The following DCP1A variants were observed in gnomAD, a reference collection of about 807,000 sequenced individuals.
DCP1A encodes the protein decapping mRNA 1A, also known as mRNA-decapping enzyme 1A.
Under a neutral mutation model 58.0 loss-of-function variants are expected in DCP1A, and 20 were observed. The ratio of observed to expected loss-of-function variants is 0.34; its 90% CI spans 0.24 to 0.50. DCP1A has a LOEUF of 0.50. Ranked by LOEUF, DCP1A falls within the 20% of genes least tolerant of loss-of-function variation. DCP1A has a pLI of 0.98. For missense variants in DCP1A, 613 were observed against 712.2 expected (o/e 0.86, Z 1.59); for synonymous variants, 285 against 275.1 (o/e 1.04, Z -0.36).
At chr3:53,311,971 G>A (rs925264808) in intron 5 of DCP1A, among the ~76,000 whole-genome samples, 2 of 151,514 alleles carry the variant, frequency 1.3e-5, no homozygotes, top group South Asian at 4.2e-4. Context: ...AAAAAAGAGA[G>A]ACACAGGGTC....
chr3:53,294,632 G>A (rs1707054159), intron 6 of DCP1A, among the ~76,000 whole-genome samples: 2 of 152,234 alleles, frequency 1.3e-5, no homozygotes, highest in African/African-American at 4.8e-5. Flanking sequence ...CAGCGACACA[G>A]CTGTGATGTC....
chr3:53,306,356 A>C (rs1707471424), intron 5 of DCP1A, among the ~76,000 whole-genome samples: 1 of 152,218 alleles, frequency 6.6e-6, no homozygotes, highest in South Asian at 2.1e-4. Flanking sequence ...TTGGAACTGA[A>C]TTATATTACA....
In DCP1A at chr3:53,304,212, T is replaced by C. The variant is rs1190646494; in HGVS notation, c.589A>G (p.Thr197Ala). Residue 197 changes from threonine to alanine, a missense_variant, in exon 6 of 10, where the codon ACT becomes GCT. This residue lies in a region of DCP1A where 498 missense variants were observed against 556.7 expected (regional missense o/e 0.89). Transcript: ENST00000610213. ...GACCCGGAGGGCATTTCTTCTAGAG[T>C]CTCGGTGCTTCCCAGATTGGAGAGC... ...TQLSNLGSTE[T>A]LEEMPSGSQD... The C allele has an allele frequency of 3.7e-6, 6 of 1,613,682 alleles. No individual in the cohort carries two copies. Among genetic ancestry groups the C allele is most frequent in the Non-Finnish European group, 5.1e-6 (6 of 1,179,840 alleles).
chr3:53,308,789 C>G (rs1358056773), intron 5 of DCP1A, among the ~76,000 whole-genome samples: 3 of 151,942 alleles, frequency 2.0e-5, no homozygotes, highest in African/African-American at 4.8e-5. Context: ...TTGGTAGAGA[C>G]AAGGTCTTGC....
chr3:53,320,366 A>G (rs1217999982), intron 3 of DCP1A, among the ~76,000 whole-genome samples: 3 of 128,338 alleles, frequency 2.3e-5, no homozygotes, highest in African/African-American at 8.3e-5. Context: ...AGCTACTATA[A>G]CTGCTTTTTG....
chr3:53,301,847 C>T (rs1707321103), intron 6 of DCP1A, among the ~76,000 whole-genome samples: 1 of 152,158 alleles, frequency 6.6e-6, no homozygotes, highest in African/African-American at 2.4e-5. Flanking sequence ...TGAAGAAAGA[C>T]AATCTCAAGA....
At chr3:53,298,270 A>T (rs1340474760) in intron 6 of DCP1A, among the ~76,000 whole-genome samples, 1 of 152,178 alleles carries the variant, frequency 6.6e-6, no homozygotes, top group Non-Finnish European at 1.5e-5. Context: ...CATATGGTAG[A>T]ACCCTGACCC....
intron 4 of DCP1A, among the ~76,000 whole-genome samples, chr3:53,313,986 C>T (rs546746499): frequency 6.6e-6 from 1 of 152,238 alleles, no homozygotes; most frequent in South Asian, 2.1e-4. Flanking sequence ...CCTCCTGCCT[C>T]AGCCTCCCAA....
intron 6 of DCP1A, among the ~76,000 whole-genome samples, chr3:53,303,420 C>G (rs1482585907): frequency 1.3e-5 from 2 of 151,926 alleles, no homozygotes; most frequent in Non-Finnish European, 2.9e-5. Flanking sequence ...GCACGTGCCA[C>G]CACACCCAGC....
intron 6 of DCP1A, among the ~76,000 whole-genome samples, chr3:53,298,120 A>C (rs1236087948): frequency 6.6e-6 from 1 of 152,190 alleles, no homozygotes; most frequent in African/African-American, 2.4e-5. Context: ...TGGGAGGCTG[A>C]GGCAGGAGGA....
intron 3 of DCP1A, among the ~76,000 whole-genome samples, chr3:53,322,960 G>A (rs1708012423): frequency 6.6e-6 from 1 of 151,834 alleles, no homozygotes; most frequent in Admixed American, 6.6e-5. Flanking sequence ...GGCGCCCGGG[G>A]ATTACAGGCG....
intron 3 of DCP1A, among the ~76,000 whole-genome samples, chr3:53,319,832 T>C (rs782215011): frequency 6.6e-6 from 1 of 152,162 alleles, no homozygotes; most frequent in Non-Finnish European, 1.5e-5. Flanking sequence ...GCATTCTAAA[T>C]TGATATTAAA....
intron 5 of DCP1A, among the ~76,000 whole-genome samples, chr3:53,307,219 G>T (rs1707503103): frequency 6.6e-6 from 1 of 152,044 alleles, no homozygotes; most frequent in Admixed American, 6.5e-5. Context: ...AAAGTGTTGG[G>T]ATTACAGGCG....
At chr3:53,293,148 C>T (rs1049122814) in intron 6 of DCP1A, among the ~76,000 whole-genome samples, 1 of 152,130 alleles carries the variant, frequency 6.6e-6, no homozygotes, top group African/African-American at 2.4e-5. Flanking sequence ...AGGGAAATGA[C>T]ACTAGAGGAG....
At chr3:53,310,755 T>C (rs1218900366) in intron 5 of DCP1A, among the ~76,000 whole-genome samples, 6 of 152,196 alleles carry the variant, frequency 3.9e-5, no homozygotes, top group East Asian at 3.8e-4. Flanking sequence ...TAATTCTCTG[T>C]GAGACATTGA....
At chr3:53,330,053 A>G (rs2088957707) in intron 3 of DCP1A, among the ~76,000 whole-genome samples, 1 of 152,188 alleles carries the variant, frequency 6.6e-6, no homozygotes, top group African/African-American at 2.4e-5. Flanking sequence ...AAAAATATGT[A>G]CATACCCTTA....
chr3:53,346,961 G>A (rs1250276769), intron 1 of DCP1A, among the ~76,000 whole-genome samples: 1 of 152,100 alleles, frequency 6.6e-6, no homozygotes, highest in Non-Finnish European at 1.5e-5. Context: ...TTGCCAGGGG[G>A]AGAGGAGGAG....
rs1706602405 is a variant in DCP1A at position 53,285,527 on chromosome 3, A to C, written c.*2053T>G. On this transcript the variant is annotated 3_prime_UTR_variant, in exon 10 of 10. Coordinates refer to ENST00000610213, the MANE Select transcript of DCP1A (RefSeq NM_018403.7). ...CAAGTCTCCATGACTTGGGCACTTA[A>C]GTTTACTTTCACACTAAGGAAGCCT... The C allele has an allele frequency of 6.6e-6, 1 of 152,180 alleles. No individual in the cohort carries two copies. Among genetic ancestry groups the C allele is most frequent in the South Asian group, 2.1e-4 (1 of 4,826 alleles). The allele number at this position is 152,180 out of a possible 1,614,324, so 9.4% of individuals were successfully genotyped here. A position where few individuals can be genotyped will look rare whatever the true frequency, so the allele number is the denominator to read the frequency against.
intron 5 of DCP1A, among the ~76,000 whole-genome samples, chr3:53,304,876 C>T (rs1419329860): frequency 1.3e-5 from 2 of 152,004 alleles, no homozygotes; most frequent in Admixed American, 1.3e-4. Flanking sequence ...AGCCACTGTG[C>T]CCAGCCTGAT....
Sources: allele counts gnomAD v4.1 joint callset (sites outside exome capture counted in the v4.1 genomes callset), GRCh38; gene constraint gnomAD v4.1.1; regional missense constraint gnomAD v4.1.1; transcripts MANE v1.5; gene names NCBI Gene and HGNC (gene_info 2026-07-23, HGNC 2026-07-21).